The following AP3B2 variants were observed in gnomAD, a reference collection of about 807,000 sequenced individuals.
The protein encoded by AP3B2 is adaptor related protein complex 3 subunit beta 2, also known as AP-3 complex subunit beta-2.
Under a neutral mutation model 126.9 loss-of-function variants are expected in AP3B2, and 50 were observed. The ratio of observed to expected loss-of-function variants is 0.39; its 90% confidence interval spans 0.31 to 0.50. AP3B2 has a LOEUF of 0.50. Ranked by LOEUF, AP3B2 falls within the 20% of genes least tolerant of loss-of-function variation. The pLI, the probability that AP3B2 is intolerant of heterozygous loss-of-function variation, is 0.79. For missense variants in AP3B2, 1,177 were observed against 1,426.4 expected, an observed-to-expected ratio of 0.83 and a Z score of 2.82; for synonymous variants, 541 against 565.0, an observed-to-expected ratio of 0.96 and a Z score of 0.60.
chr15:82,683,995 G>A (rs1596185724), intron 4 of AP3B2, among the ~76,000 whole-genome samples: 1 of 152,190 alleles, frequency 6.6e-6, no homozygotes, highest in East Asian at 1.9e-4. Flanking sequence ...AAACAGATGT[G>A]CTGTCATGGC....
intron 1 of AP3B2, chr15:82,692,163 C>T: frequency 6.7e-7 from 1 of 1,483,676 alleles, no homozygotes; most frequent in Non-Finnish European, 9.3e-7. Flanking sequence ...ATAATCATAA[C>T]TATTTCTTCC....
intron 14 of AP3B2, among the ~76,000 whole-genome samples, chr15:82,669,978 G>C (rs2048121719): frequency 1.5e-5 from 2 of 130,820 alleles, no homozygotes; most frequent in South Asian, 5.2e-4. Flanking sequence ...TCCAGAGCCT[G>C]GGCAACAGAG....
chr15:82,687,258 C>T (rs1424096357), intron 4 of AP3B2: 1 of 152,152 alleles, frequency 6.6e-6, no homozygotes, highest in African/African-American at 2.4e-5. Context: ...TGGAACACGG[C>T]CACGCCCACT....
intron 1 of AP3B2, among the ~76,000 whole-genome samples, chr15:82,706,010 G>A (rs1175025588): frequency 6.6e-6 from 1 of 152,174 alleles, no homozygotes; most frequent in African/African-American, 2.4e-5. Context: ...GTGCAGGGCT[G>A]TGCGGTTGGA....
chr15:82,671,147 G>T (rs552691119), intron 14 of AP3B2, among the ~76,000 whole-genome samples: 6 of 152,284 alleles, frequency 3.9e-5, no homozygotes, highest in Middle Eastern at 3.4e-3. Context: ...ACGGGGCGTG[G>T]TGACGCACGC....
In AP3B2 at chr15:82,665,425, ACACACACAC is replaced by A; in HGVS notation, c.1971+23_1971+31del. 3 of 1,164,108 alleles carry A rather than the reference ACACACACAC, an allele frequency of 2.6e-6. No homozygotes were observed. Among genetic ancestry groups the A allele is most frequent in the Non-Finnish European group, 3.6e-6 (3 of 829,430 alleles). The allele number at this position is 1,164,108 out of a possible 1,614,324, so 72.1% of individuals were successfully genotyped here. A position where few individuals can be genotyped will look rare whatever the true frequency, so the allele number is the denominator to read the frequency against. ...CACACACACACACACACACACACAC[ACACACACAC>A]TTCAACCCTCCACCCCGCTGACCTC... On this transcript the variant is annotated intron_variant, in intron 16 of 26. Coordinates refer to ENST00000535359, the MANE Select transcript of AP3B2 (RefSeq NM_001278512.2). The surrounding 1 kb of genome is among the most constrained non-coding windows in gnomAD (Gnocchi z 4.4).
chr15:82,692,886 T>G (rs1166150245), intron 1 of AP3B2: 1 of 152,126 alleles, frequency 6.6e-6, no homozygotes, highest in Non-Finnish European at 1.5e-5. Context: ...CTTTTTTTTT[T>G]TAGATCTCAT....
rs536542612 is a variant in AP3B2, at chr15:82,679,443, G to A, written c.1182+286C>T. Among the ~76,000 whole-genome samples the A allele has an allele frequency of 5.1e-3, 772 of 152,318 alleles. 4 individuals carry two copies. The highest frequency in any genetic ancestry group is 8.4e-3 in the Non-Finnish European group (573 of 68,034). On this transcript the variant is annotated intron_variant, in intron 10 of 26. Coordinates refer to ENST00000535359, the MANE Select transcript of AP3B2 (RefSeq NM_001278512.2). ...GGCCAGAGTCTATATTTTTATAAAA[G>A]GAATATAATGTACACATCCTGGGAT...
chr15:82,695,499 A>G (rs968481629), intron 1 of AP3B2, among the ~76,000 whole-genome samples: 4 of 152,058 alleles, frequency 2.6e-5, no homozygotes, highest in African/African-American at 9.7e-5. Flanking sequence ...TCAATCATGA[A>G]GCCTTCATAA....
At chr15:82,688,416 T>C (rs1321841939) in intron 4 of AP3B2, 1 of 702,184 alleles carries the variant, frequency 1.4e-6, no homozygotes, top group Non-Finnish European at 2.6e-6. Flanking sequence ...GGGTGAGGGT[T>C]GAGGGGTTCT....
At chr15:82,692,255 G>C (rs564438273) in intron 1 of AP3B2, 137 of 887,534 alleles carry the variant, frequency 1.5e-4, no homozygotes, top group Non-Finnish European at 2.3e-4. Context: ...TCTTAAGCTT[G>C]ATCTTGCGGA....
intron 10 of AP3B2, among the ~76,000 whole-genome samples, chr15:82,679,197 C>T (rs915996945): frequency 2.6e-5 from 4 of 152,326 alleles, no homozygotes; most frequent in African/African-American, 9.6e-5. Context: ...AATCTCAGCT[C>T]ACTGCAACCT....
chr15:82,659,484 A>G lies in AP3B2; in HGVS notation c.*76T>C, dbSNP rs951063236. On this transcript the variant is annotated 3_prime_UTR_variant, in exon 27 of 27. Coordinates refer to ENST00000535359, the MANE Select transcript of AP3B2 (RefSeq NM_001278512.2). The stretch of plus-strand genomic sequence containing the variant: ...AGGAGGATGATGAGAGAGAGAGAGA[A>G]AGATGAGAGAGACTGACAGCCTAGG... The G allele has an allele frequency of 7.7e-6, 12 of 1,550,862 alleles. No individual in the cohort carries two copies. The Admixed American group carries it at 1.0e-4, about 13-fold the overall frequency.
intron 21 of AP3B2, 89 bp from the exon 22 acceptor site, chr15:82,663,322 GC>G (rs2047988924): frequency 8.8e-7 from 1 of 1,134,920 alleles, no homozygotes; most frequent in African/African-American, 1.5e-5. Flanking sequence ...ACGCATTTCA[GC>G]ACCATGGACA....
intron 1 of AP3B2, among the ~76,000 whole-genome samples, chr15:82,703,649 T>G (rs958180936): frequency 6.6e-6 from 1 of 152,114 alleles, no homozygotes; most frequent in African/African-American, 2.4e-5. Context: ...TCCTACAAGA[T>G]CTAGATAATT....
intron 4 of AP3B2, chr15:82,686,348 G>C (rs1012977234): frequency 6.6e-6 from 1 of 152,184 alleles, no homozygotes; most frequent in Non-Finnish European, 1.5e-5. Flanking sequence ...AGGCTGGATT[G>C]AAATGATTGG....
At chr15:82,668,943 T>C (rs981078714) in intron 14 of AP3B2, among the ~76,000 whole-genome samples, 3 of 152,238 alleles carry the variant, frequency 2.0e-5, no homozygotes, top group Non-Finnish European at 2.9e-5. Flanking sequence ...CTGCTAATCA[T>C]GCTTAGAAAA....
In AP3B2 at chr15:82,680,403, G is replaced by C. The variant is rs967033150; in HGVS notation, c.1055+69C>G. ...GGAAGCGGCTGGTGGGCGTGAGGGGGCGGAGCCGGGCAGCCCGTGGGGCGG... is the reference window on the plus strand; with the variant it reads ...GGAAGCGGCTGGTGGGCGTGAGGGGCCGGAGCCGGGCAGCCCGTGGGGCGG... On this transcript the variant is annotated intron_variant, in intron 8 of 26. Coordinates refer to ENST00000535359, the MANE Select transcript of AP3B2 (RefSeq NM_001278512.2). The surrounding 1 kb of genome is among the most constrained non-coding windows in gnomAD (Gnocchi z 6.1). The C allele has an allele frequency of 6.2e-6, 9 of 1,444,302 alleles. No homozygotes were observed. Among genetic ancestry groups the C allele is most frequent in the South Asian group, 1.4e-5 (1 of 71,030 alleles). The allele number at this position is 1,444,302 out of a possible 1,614,324, so 89.5% of individuals were successfully genotyped here. A position where few individuals can be genotyped will look rare whatever the true frequency, so the allele number is the denominator to read the frequency against.
At chr15:82,685,891 G>T (rs117972561) in intron 4 of AP3B2, 3 of 152,016 alleles carry the variant, frequency 2.0e-5, no homozygotes, top group South Asian at 2.1e-4. Flanking sequence ...CACATGAAAG[G>T]TGTTATTTAT....
Sources: gnomAD v4.1 joint callset for allele counts (sites outside exome capture counted in the v4.1 genomes callset) on GRCh38, gnomAD v4.1.1 for gene constraint, Gnocchi (gnomAD v3.1) non-coding constraint, MANE v1.5 for transcripts, NCBI Gene and HGNC (gene_info 2026-07-23, HGNC 2026-07-21) for gene names.